Variants in HTATIP2 observed in about 807,000 individuals in gnomAD.
HTATIP2 encodes HIV-1 Tat interactive protein 2, also known as protein HTATIP2.
HTATIP2 carries 26 observed loss-of-function variants against 24.7 expected under a neutral mutation model. That is an observed-to-expected ratio of 1.05 (90% CI 0.77 to 1.46). The LOEUF (loss-of-function observed/expected upper bound fraction) is 1.46, where lower values mean the gene tolerates loss of function less well. HTATIP2 is among the 40% of genes most tolerant of loss of function. The pLI, the probability that HTATIP2 is intolerant of heterozygous loss-of-function variation, is 0.00. For synonymous variants in HTATIP2, 99 were observed against 113.2 expected (o/e 0.87, Z 0.79); for missense variants, 284 against 289.6 (o/e 0.98, Z 0.14).
chr11:20,382,886 G>A (rs1304483558), intron 4 of HTATIP2, 94 bp from the exon 5 acceptor site: 5 of 804,120 alleles, frequency 6.2e-6, no homozygotes, highest in Non-Finnish European at 9.8e-6. Flanking sequence ...ATATTGAGGG[G>A]ATACAGTTTT....
intron 2 of HTATIP2, 128 bp downstream of exon 2, chr11:20,367,409 T>C (rs1222825592): frequency 1.3e-6 from 2 of 1,564,150 alleles, no homozygotes; most frequent in Admixed American, 2.0e-5. Flanking sequence ...TGTTTAAGAT[T>C]CTATATGCTG....
chr11:20,369,523 C>G (rs772133178), intron 2 of HTATIP2, among the ~76,000 whole-genome samples: 1 of 152,186 alleles, frequency 6.6e-6, no homozygotes, highest in Non-Finnish European at 1.5e-5. Flanking sequence ...TCTCACAGTT[C>G]TGGAGGCTAG....
At position 20,364,032 on chromosome 11, in the gene HTATIP2, G is replaced by C; in HGVS notation, c.-206G>C. 7.6e-7 allele frequency: 1 copy of C among 1,312,086 alleles called. No homozygotes were observed. 81.3% of individuals were successfully genotyped at this position (1,312,086 alleles called of 1,614,324 possible). On this transcript the variant is annotated 5_prime_UTR_variant, in exon 1 of 5. Coordinates refer to ENST00000451739, the MANE Select transcript of HTATIP2 (RefSeq NM_001098522.2). ...CACCTGGGCGCACCCTCCAGCTCGG[G>C]CCCCTTCCGATGGGTCTGCTGGCTC...
chr11:20,364,982 GTT>G (rs67369711), intron 1 of HTATIP2, among the ~76,000 whole-genome samples: 56,966 of 138,462 alleles, frequency 0.41, 12,635 homozygotes, highest in Middle Eastern at 0.54. Context: ...TAAGTTAAAG[GTT>G]TTTTTTTTTT....
intron 3 of HTATIP2, among the ~76,000 whole-genome samples, chr11:20,380,242 C>T (rs1381476357): frequency 6.6e-6 from 1 of 152,204 alleles, no homozygotes; most frequent in African/African-American, 2.4e-5. Flanking sequence ...ATGGTGGGAA[C>T]ACACCGAAAA....
chr11:20,382,218 G>A lies in HTATIP2; in HGVS notation c.482G>A (p.Arg161His), dbSNP rs574576457. The A allele has an allele frequency of 7.4e-5, 117 of 1,590,074 alleles. 3 individuals are homozygous for A. In the South Asian group the frequency reaches 8.6e-4, roughly 12 times the overall value. Reference sequence around the variant, plus strand: ...AAGGTTGAAGAATTAAAATTTGATCGTTACTCTGTATTTAGGCCTGGGTAA... The same window carrying A: ...AAGGTTGAAGAATTAAAATTTGATCATTACTCTGTATTTAGGCCTGGGTAA... ...EAKVEELKFDRYSVFRPGVLL... is the reference protein window; with the variant it reads ...EAKVEELKFDHYSVFRPGVLL... Residue 161 changes from arginine to histidine, a missense_variant, in exon 4 of 5, where the codon CGT becomes CAT. Arg to His is a conservative substitution (Grantham distance 29). Transcript: ENST00000451739.
chr11:20,365,839 T>G (rs1160661248), intron 1 of HTATIP2, among the ~76,000 whole-genome samples: 1 of 151,666 alleles, frequency 6.6e-6, no homozygotes. Flanking sequence ...GGCGTGGTGG[T>G]GCACGCCTGT....
Position 20,382,956 on chromosome 11 carries a change from CTTTTTT to C in HTATIP2, c.504-13_504-8del. 1 of 1,256,532 alleles carries C rather than the reference CTTTTTT, an allele frequency of 8.0e-7. No homozygotes were observed. Among genetic ancestry groups the C allele is most frequent in the Non-Finnish European group, 1.1e-6 (1 of 907,932 alleles). The allele number at this position is 1,256,532 out of a possible 1,614,324, so 77.8% of individuals were successfully genotyped here. On this transcript the variant is annotated intron_variant, in intron 4 of 4. Transcript: ENST00000451739. Reference sequence around the variant, plus strand: ...ACCACCTCTTCCTCTGCTTTTCTTTCTTTTTTTTTTTTTTTTATTTTAGAGTTCTGT... The same window carrying C: ...ACCACCTCTTCCTCTGCTTTTCTTTCTTTTTTTTTTATTTTAGAGTTCTGT...
chr11:20,380,496 C>T (rs1454154913), intron 3 of HTATIP2, among the ~76,000 whole-genome samples: 1 of 151,984 alleles, frequency 6.6e-6, no homozygotes, highest in African/African-American at 2.4e-5. Context: ...CACGGTGAAA[C>T]CCCGTCTCTA....
At position 20,363,959 on chromosome 11, in the gene HTATIP2, G is replaced by C; in HGVS notation, c.-279G>C. On this transcript the variant is annotated 5_prime_UTR_variant, in exon 1 of 5. Coordinates refer to ENST00000451739, the MANE Select transcript of HTATIP2 (RefSeq NM_001098522.2). ...CCGAGCTGGGCCAGGTCTCCTGGCC[G>C]GGCCGGGGATACCGTGGGGTATGCC... The C allele has an allele frequency of 8.0e-7, 1 of 1,243,676 alleles. No homozygotes were observed. The highest frequency in any genetic ancestry group is 3.1e-5 in the East Asian group (1 of 31,832). 77.0% of individuals were successfully genotyped at this position (1,243,676 alleles called of 1,614,324 possible). A position where few individuals can be genotyped will look rare whatever the true frequency, so the allele number is the denominator to read the frequency against.
At chr11:20,381,606 C>T (rs1250440178) in intron 3 of HTATIP2, among the ~76,000 whole-genome samples, 1 of 152,126 alleles carries the variant, frequency 6.6e-6, no homozygotes, top group Non-Finnish European at 1.5e-5. Flanking sequence ...TGGTAGTTCA[C>T]AGGCCTTTGG....
rs78435520 is a variant in HTATIP2, at chr11:20,364,744, A to G, written c.195+312A>G. 9.8e-3 allele frequency among the ~76,000 whole-genome samples: 1,486 copies of G among 152,316 alleles called. 25 individuals carry two copies. The highest frequency in any genetic ancestry group is 0.034 in the African/African-American group (1,412 of 41,558). On this transcript the variant is annotated intron_variant, in intron 1 of 4. Transcript: ENST00000451739. ...ACAGAAGAGCACTGTTTTCAGGGTC[A>G]TACAAGCTGTATTCTAGAGGCAGCC...
chr11:20,379,639 T>C (rs1244714121), intron 3 of HTATIP2, among the ~76,000 whole-genome samples: 2 of 152,156 alleles, frequency 1.3e-5, no homozygotes, highest in Non-Finnish European at 1.5e-5. Context: ...GCTGGTGCCG[T>C]GGGGAGACGT....
At chr11:20,379,125 G>GCTCTAT (rs1287069251) in intron 3 of HTATIP2, among the ~76,000 whole-genome samples, 303 of 152,326 alleles carry the variant, frequency 2.0e-3, no homozygotes, top group African/African-American at 6.6e-3. Context: ...CTTGAACCCA[G>GCTCTAT]GCTGATTCCA....
chr11:20,372,033 C>T (rs2064777631), intron 2 of HTATIP2, among the ~76,000 whole-genome samples: 1 of 152,138 alleles, frequency 6.6e-6, no homozygotes, highest in African/African-American at 2.4e-5. Flanking sequence ...GAACCTGAAG[C>T]AGAAATAGGG....
At chr11:20,373,043 G>T (rs867515038) in intron 2 of HTATIP2, among the ~76,000 whole-genome samples, 2 of 152,302 alleles carry the variant, frequency 1.3e-5, no homozygotes, top group Non-Finnish European at 1.5e-5. Flanking sequence ...TGAGCTTGAA[G>T]GCTCAGAGGA....
At chr11:20,367,636 T>C in intron 2 of HTATIP2, 5 of 1,252,970 alleles carry the variant, frequency 4.0e-6, no homozygotes, top group Non-Finnish European at 5.0e-6. Context: ...TTCCCCTTAA[T>C]AAATGTTTGA....
intron 3 of HTATIP2, among the ~76,000 whole-genome samples, chr11:20,378,144 T>TG (rs1848471316): frequency 6.6e-6 from 1 of 152,198 alleles, no homozygotes; most frequent in South Asian, 2.1e-4. Context: ...AATTTCCAGA[T>TG]TTTTTTCACA....
chr11:20,374,739 CATCT>C (rs1203609441), intron 2 of HTATIP2, among the ~76,000 whole-genome samples: 1 of 152,214 alleles, frequency 6.6e-6, no homozygotes, highest in Non-Finnish European at 1.5e-5. Context: ...TTCCCTTCCA[CATCT>C]ATTTCTTCCC....
Sources: allele counts gnomAD v4.1 joint callset (sites outside exome capture counted in the v4.1 genomes callset), GRCh38; gene constraint gnomAD v4.1.1; transcripts MANE v1.5; gene names NCBI Gene and HGNC (gene_info 2026-07-23, HGNC 2026-07-21).